Variants in SPHK1 observed in about 807,000 individuals in gnomAD.
SPHK1 encodes sphingosine kinase 1.
A neutral mutation model predicts 14.6 loss-of-function variants in SPHK1; 10 were observed. That is an observed-to-expected ratio of 0.68 (90% CI 0.42 to 1.16). SPHK1 has a LOEUF of 1.16. SPHK1 is among the 50% of genes most tolerant of loss of function. SPHK1 has a pLI of 0.00. For missense variants in SPHK1, 553 were observed against 525.4 expected, an observed-to-expected ratio of 1.05 and a Z score of -0.51; for synonymous variants, 274 against 224.0, an observed-to-expected ratio of 1.22 and a Z score of -1.99.
chr17:76,387,527 G>T lies in SPHK1; in HGVS notation c.1096G>T (p.Val366Leu). Residue 366 changes from valine (V) to leucine (L), a missense_variant, in exon 6 of 6, where the codon GTG (valine) becomes TTG (leucine). Physicochemically the swap from Val to Leu is conservative, Grantham distance 32. Coordinates refer to ENST00000592299, the MANE Select transcript of SPHK1 (RefSeq NM_001142601.2). This position sits in a 1 kb window ranked among gnomAD's most constrained non-coding sequence, Gnocchi z 4.1. ...PNYFWMVSGCVEPPPSWKPQQ... is the reference protein window; with the variant it reads ...PNYFWMVSGCLEPPPSWKPQQ... ...CTACTTCTGGATGGTCAGCGGTTGC[G>T]TGGAGCCCCCGCCCAGCTGGAAGCC... The T allele has an allele frequency of 6.2e-7, 1 of 1,610,812 alleles. No homozygotes were observed.
At position 76,387,781 on chromosome 17, in the gene SPHK1, T is replaced by A. The variant is rs2072022368; in HGVS notation, c.*195T>A. On this transcript the variant is annotated 3_prime_UTR_variant, in exon 6 of 6. Coordinates refer to ENST00000592299, the MANE Select transcript of SPHK1 (RefSeq NM_001142601.2). This position sits in a 1 kb window ranked among gnomAD's most constrained non-coding sequence, Gnocchi z 4.1. ...AGGAGCCCAGCTGGCTGGGCCCAGC[T>A]GCCTATGTAAGGCCTTCTAGTTTGT... The A allele has an allele frequency of 3.1e-6, 2 of 635,068 alleles. No individual in the cohort carries two copies. The highest frequency in any genetic ancestry group is 2.6e-6 in the Non-Finnish European group (1 of 384,250). The allele number at this position is 635,068 out of a possible 1,614,324, so 39.3% of individuals were successfully genotyped here.
chr17:76,385,053 G>A lies in SPHK1; in HGVS notation c.-195+247G>A. ...CTCTGGAGCTCCGGGCAGGGGACAC[G>A]GCAACCTGGATGGCTGGGGCAGGGA... On this transcript the variant is annotated intron_variant, in intron 1 of 5. Transcript: ENST00000592299. The surrounding 1 kb of genome is among the most constrained non-coding windows in gnomAD (Gnocchi z 5.3). 2.6e-6 allele frequency: 4 copies of A among 1,539,830 alleles called. No individual in the cohort carries two copies. The highest frequency in any genetic ancestry group is 2.6e-6 in the Non-Finnish European group (3 of 1,141,570).
Position 76,385,822 on chromosome 17 carries a change from C to T in SPHK1, c.11-163C>T. On this transcript the variant is annotated intron_variant, in intron 2 of 5. Transcript: ENST00000592299. This position sits in a 1 kb window ranked among gnomAD's most constrained non-coding sequence, Gnocchi z 5.3. Reference sequence around the variant, plus strand: ...GAGCCAAGGAAGGGGGTGGCAGGGGCGCCGCGTCCCCACCCCAGGTCTCCC... The same window carrying T: ...GAGCCAAGGAAGGGGGTGGCAGGGGTGCCGCGTCCCCACCCCAGGTCTCCC... 1.4e-6 allele frequency: 2 copies of T among 1,422,964 alleles called. No homozygotes were observed. The highest frequency in any genetic ancestry group is 1.4e-5 in the African/African-American group (1 of 70,824). The allele number at this position is 1,422,964 out of a possible 1,614,324, so 88.1% of individuals were successfully genotyped here. A position where few individuals can be genotyped will look rare whatever the true frequency, so the allele number is the denominator to read the frequency against.
chr17:76,383,541 C>A (rs1337116636), upstream of SPHK1: 2 of 262,484 alleles, frequency 7.6e-6, no homozygotes, highest in Admixed American at 1.1e-4. Context: ...TGTGTGGGGG[C>A]GGGTGGGGCC....
At chr17:76,384,225 G>A (rs1008430364), upstream of SPHK1, 3 of 153,138 alleles carry the variant, frequency 2.0e-5, no homozygotes, top group African/African-American at 4.8e-5. Flanking sequence ...TCCCCCGGGA[G>A]AGCGGAGCCG....
Position 76,385,998 on chromosome 17 carries a change from G to A in SPHK1, c.24G>A (p.Arg8=). The A allele has an allele frequency of 6.2e-7, 1 of 1,601,626 alleles. No individual in the cohort carries two copies. Among genetic ancestry groups the A allele is most frequent in the Non-Finnish European group, 8.5e-7 (1 of 1,173,378 alleles). The change falls in exon 3 of 6, where the codon CGG becomes CGA. Residue 8 remains arginine (R), a synonymous_variant. Transcript: ENST00000592299. The surrounding 1 kb of genome is among the most constrained non-coding windows in gnomAD (Gnocchi z 5.3). ...TTGTTTTCTCAGCGGGCGGCCCCCG[G>A]GGCGTGCTCCCGCGGCCCTGCCGCG... MDPAGGP[R]GVLPRPCRVL...
chr17:76,387,590 C>T lies in SPHK1; in HGVS notation c.*4C>T, dbSNP rs1262989565. On this transcript the variant is annotated 3_prime_UTR_variant, in exon 6 of 6. Coordinates refer to ENST00000592299, the MANE Select transcript of SPHK1 (RefSeq NM_001142601.2). The surrounding 1 kb of genome is among the most constrained non-coding windows in gnomAD (Gnocchi z 4.1). Reference sequence around the variant, plus strand: ...ACCGCCAGAAGAGCCCTTATGACCCCTGGGCCGCGCTGTGCCTTAGTGTCT... The same window carrying T: ...ACCGCCAGAAGAGCCCTTATGACCCTTGGGCCGCGCTGTGCCTTAGTGTCT... 8.3e-6 allele frequency: 13 copies of T among 1,572,098 alleles called. No individual in the cohort carries two copies. The highest frequency in any genetic ancestry group is 1.1e-5 in the Non-Finnish European group (13 of 1,163,304).
upstream of SPHK1, chr17:76,383,496 T>C (rs1419602808): frequency 4.3e-6 from 1 of 231,514 alleles, no homozygotes; most frequent in East Asian, 1.8e-4. Context: ...CTCCTGGACC[T>C]GCCTCTTCTC....
rs756902959 is a variant in SPHK1, at chr17:76,387,018, C to T, written c.587C>T (p.Thr196Ile). The change falls in exon 6 of 6, where the codon ACC becomes ATC. Residue 196 changes from threonine to isoleucine, a missense_variant. Thr to Ile is a moderately conservative substitution (Grantham distance 89, BLOSUM62 -1). Coordinates refer to ENST00000592299, the MANE Select transcript of SPHK1 (RefSeq NM_001142601.2). This position sits in a 1 kb window ranked among gnomAD's most constrained non-coding sequence, Gnocchi z 4.1. ...GGGGAGATGCGCTTCACTCTGGGCA[C>T]CTTCCTGCGTCTGGCAGCCCTGCGC... ...RLGEMRFTLG[T>I]FLRLAALRTY... is the part of the protein sequence containing the mutation. 7 of 1,613,686 alleles carry T rather than the reference C, an allele frequency of 4.3e-6. No individual in the cohort carries two copies. The highest frequency in any genetic ancestry group is 2.2e-5 in the East Asian group (1 of 44,874).
rs1317985235 is a variant in SPHK1 at position 76,387,579 on chromosome 17, C to T, written c.1148C>T (p.Pro383Leu). The T allele has an allele frequency of 6.3e-7, 1 of 1,588,664 alleles. No homozygotes were observed. Among genetic ancestry groups the T allele is most frequent in the Non-Finnish European group, 8.5e-7 (1 of 1,171,136 alleles). Residue 383 changes from proline (P) to leucine (L), a missense_variant, in exon 6 of 6, where the codon CCC becomes CTC. Pro to Leu is a moderately conservative substitution (Grantham distance 98). Transcript: ENST00000592299. The surrounding 1 kb of genome is among the most constrained non-coding windows in gnomAD (Gnocchi z 4.1). ...CAGCAGATGCCACCGCCAGAAGAGC[C>T]CTTATGACCCCTGGGCCGCGCTGTG... Reference protein sequence around the residue: ...KPQQMPPPEEPL With the variant: ...KPQQMPPPEELL
In SPHK1 at chr17:76,386,389, A is replaced by G. The variant is rs761188782; in HGVS notation, c.259-4A>G. 1.6e-5 allele frequency: 25 copies of G among 1,609,942 alleles called. No homozygotes were observed. In the East Asian group the frequency reaches 1.6e-4, roughly 10 times the overall value. On this transcript the variant is annotated splice_region_variant and splice_polypyrimidine_tract_variant and intron_variant, in intron 4 of 5. Transcript: ENST00000592299. The surrounding 1 kb of genome is among the most constrained non-coding windows in gnomAD (Gnocchi z 5.3). ...CCAGGCTGAGGCCACGTGTGCTTCA[A>G]CAGGTGGTGAACGGGCTCATGGAGC...
At position 76,387,499 on chromosome 17, in the gene SPHK1, A is replaced by G; in HGVS notation, c.1068A>G (p.Pro356=). Residue 356 remains proline, a synonymous_variant, in exon 6 of 6, where the codon CCA becomes CCG. Coordinates refer to ENST00000592299, the MANE Select transcript of SPHK1 (RefSeq NM_001142601.2). The surrounding 1 kb of genome is among the most constrained non-coding windows in gnomAD (Gnocchi z 4.1). ...VSEAVQGQVH[P]NYFWMVSGCV... ...AGGCCGTGCAGGGCCAGGTGCACCC[A>G]AACTACTTCTGGATGGTCAGCGGTT... The G allele has an allele frequency of 3.1e-6, 5 of 1,613,036 alleles. No individual in the cohort carries two copies. In the South Asian group the frequency reaches 5.5e-5, roughly 18 times the overall value.
In SPHK1 at chr17:76,386,790, CT is replaced by C; in HGVS notation, c.375-11del. The C allele has an allele frequency of 1.3e-6, 2 of 1,527,914 alleles. No homozygotes were observed. The highest frequency in any genetic ancestry group is 1.8e-6 in the Non-Finnish European group (2 of 1,137,662). The allele number at this position is 1,527,914 out of a possible 1,614,324, so 94.6% of individuals were successfully genotyped here. ...GGGGCTCCTGTCCTGCCTTATCTGA[CT>C]TTTTCCCCCTGCAGCTATGAGCAGG... On this transcript the variant is annotated splice_polypyrimidine_tract_variant and intron_variant, in intron 5 of 5. Coordinates refer to ENST00000592299, the MANE Select transcript of SPHK1 (RefSeq NM_001142601.2). This position sits in a 1 kb window ranked among gnomAD's most constrained non-coding sequence, Gnocchi z 5.3.
rs190158721 is a variant in SPHK1, at chr17:76,387,301, G to A, written c.870G>A (p.Val290=). ...CAAGVMHLFY[V]RAGVSRAMLL... Reference sequence around the variant, plus strand: ...CTGGCGTCATGCATCTGTTCTACGTGCGGGCGGGAGTGTCTCGTGCCATGC... The same window carrying A: ...CTGGCGTCATGCATCTGTTCTACGTACGGGCGGGAGTGTCTCGTGCCATGC... Residue 290 remains valine, a synonymous_variant, in exon 6 of 6, where the codon GTG becomes GTA. Coordinates refer to ENST00000592299, the MANE Select transcript of SPHK1 (RefSeq NM_001142601.2). This position sits in a 1 kb window ranked among gnomAD's most constrained non-coding sequence, Gnocchi z 4.1. 10 of 1,613,520 alleles carry A rather than the reference G, an allele frequency of 6.2e-6. No homozygotes were observed.
At chr17:76,383,484 T>C (rs966798317), upstream of SPHK1, 6 of 189,488 alleles carry the variant, frequency 3.2e-5, no homozygotes, top group African/African-American at 1.2e-4. Flanking sequence ...GGCTGCGTGC[T>C]CCTCCTGGAC....
Position 76,387,051 on chromosome 17 carries a change from G to A in SPHK1, c.620G>A (p.Arg207His), listed in dbSNP as rs147360809. 6.8e-6 allele frequency: 11 copies of A among 1,613,522 alleles called. No homozygotes were observed. Among genetic ancestry groups the A allele is most frequent in the East Asian group, 4.5e-5 (2 of 44,882 alleles). Residue 207 changes from arginine (R) to histidine (H), a missense_variant, in exon 6 of 6, where the codon CGC becomes CAC. Physicochemically the swap from Arg to His is conservative, Grantham distance 29. Transcript: ENST00000592299. The surrounding 1 kb of genome is among the most constrained non-coding windows in gnomAD (Gnocchi z 4.1). ...CGTCTGGCAGCCCTGCGCACCTACC[G>A]CGGCCGACTGGCCTACCTCCCTGTA... ...FLRLAALRTY[R>H]GRLAYLPVGR...
chr17:76,387,298 C>T lies in SPHK1; in HGVS notation c.867C>T (p.Tyr289=), dbSNP rs140442285. The change falls in exon 6 of 6, where the codon TAC becomes TAT. Residue 289 remains tyrosine (Y), a synonymous_variant. Transcript: ENST00000592299. This position sits in a 1 kb window ranked among gnomAD's most constrained non-coding sequence, Gnocchi z 4.1. The part of the protein sequence containing the change: ...RCAAGVMHLF[Y]VRAGVSRAML... ...CAGCTGGCGTCATGCATCTGTTCTACGTGCGGGCGGGAGTGTCTCGTGCCA... is the reference window on the plus strand; with the variant it reads ...CAGCTGGCGTCATGCATCTGTTCTATGTGCGGGCGGGAGTGTCTCGTGCCA... 4.3e-6 allele frequency: 7 copies of T among 1,613,660 alleles called. No individual in the cohort carries two copies. The highest frequency in any genetic ancestry group is 1.7e-4 in the Middle Eastern group (1 of 6,058).
chr17:76,383,956 G>T, upstream of SPHK1: 1 of 1,035,128 alleles, frequency 9.7e-7, no homozygotes, highest in Non-Finnish European at 1.2e-6. Flanking sequence ...CCGGGACAGC[G>T]CGCTAGGCGG....
rs201340831 is a variant in SPHK1, at chr17:76,387,624, G to T, written c.*38G>T. ...GCTGTGCCTTAGTGTCTACTTGCAG[G>T]ACCCTTCCTCCTTCCCTAGGGCTGC... On this transcript the variant is annotated 3_prime_UTR_variant, in exon 6 of 6. Transcript: ENST00000592299. This position sits in a 1 kb window ranked among gnomAD's most constrained non-coding sequence, Gnocchi z 4.1. The T allele has an allele frequency of 2.8e-4, 429 of 1,533,430 alleles. 3 individuals carry two copies. The East Asian group carries it at 8.3e-3, about 30-fold the overall frequency. 95.0% of individuals were successfully genotyped at this position (1,533,430 alleles called of 1,614,324 possible). A position where few individuals can be genotyped will look rare whatever the true frequency, so the allele number is the denominator to read the frequency against.
Sources: allele counts gnomAD v4.1 joint callset, GRCh38; gene constraint gnomAD v4.1.1; non-coding constraint Gnocchi (gnomAD v3.1); transcripts MANE v1.5; gene names NCBI Gene and HGNC (gene_info 2026-07-23, HGNC 2026-07-21).